Variants in RRAGD observed in about 807,000 individuals in gnomAD.
The protein encoded by RRAGD is ras-related GTP-binding protein D.
Under a neutral mutation model 35.5 loss-of-function variants are expected in RRAGD, and 12 were observed. The observed-to-expected ratio is 0.34, with a 90% confidence interval of 0.22 to 0.55. The LOEUF (loss-of-function observed/expected upper bound fraction) is 0.55, where lower values mean the gene tolerates loss of function less well. Among genes scored for constraint, RRAGD ranks in the 20% least tolerant of loss-of-function variants. RRAGD has a pLI of 0.91. For synonymous variants in RRAGD, 155 were observed against 178.9 expected (o/e 0.87, Z 1.07); for missense variants, 324 against 490.1 (o/e 0.66, Z 3.20).
intron 1 of RRAGD, among the ~76,000 whole-genome samples, chr6:89,405,591 G>A (rs62415410): frequency 0.11 from 16,686 of 151,754 alleles, 1,042 homozygotes; most frequent in African/African-American, 0.15. Flanking sequence ...CAGGACACAC[G>A]CAGGCACACA....
At chr6:89,385,940 G>C (rs1582512400) in intron 2 of RRAGD, among the ~76,000 whole-genome samples, 1 of 152,108 alleles carries the variant, frequency 6.6e-6, no homozygotes, top group Admixed American at 6.6e-5. Flanking sequence ...TCGAGCATGG[G>C]CTCAGAATGA....
Position 89,367,960 on chromosome 6 carries a change from G to A in RRAGD, c.*96C>T, listed in dbSNP as rs1203268273. On this transcript the variant is annotated 3_prime_UTR_variant, in exon 7 of 7. Coordinates refer to ENST00000369415, the MANE Select transcript of RRAGD (RefSeq NM_021244.5). ...TTTTTTAACAACAAATCAATGGTAT[G>A]TGTCCCAATCTCCTTCTTCCTCTTC... The A allele has an allele frequency of 9.5e-7, 1 of 1,051,298 alleles. No individual in the cohort carries two copies. Among genetic ancestry groups the A allele is most frequent in the Admixed American group, 2.6e-5 (1 of 38,022 alleles). The allele number at this position is 1,051,298 out of a possible 1,614,324, so 65.1% of individuals were successfully genotyped here. A position where few individuals can be genotyped will look rare whatever the true frequency, so the allele number is the denominator to read the frequency against.
intron 1 of RRAGD, among the ~76,000 whole-genome samples, chr6:89,392,826 G>A (rs1313974636): frequency 1.3e-5 from 2 of 152,204 alleles, no homozygotes; most frequent in Admixed American, 1.3e-4. Context: ...GTACAGATGT[G>A]CATAGATATT....
At chr6:89,369,702 G>A (rs988564842) in intron 6 of RRAGD, among the ~76,000 whole-genome samples, 3 of 152,044 alleles carry the variant, frequency 2.0e-5, no homozygotes, top group African/African-American at 4.8e-5. Flanking sequence ...ACTGGCACCC[G>A]CCCCTATTGT....
intron 1 of RRAGD, among the ~76,000 whole-genome samples, chr6:89,390,854 C>T (rs916476845): frequency 5.9e-5 from 9 of 151,954 alleles, no homozygotes; most frequent in Non-Finnish European, 1.3e-4. Context: ...ACTGAGATGG[C>T]GCCCCTGCAC....
intron 1 of RRAGD, among the ~76,000 whole-genome samples, chr6:89,399,944 G>A (rs1769425417): frequency 6.6e-6 from 1 of 152,004 alleles, no homozygotes; most frequent in Admixed American, 6.6e-5. Context: ...CCCAGTGAGG[G>A]AGCATAAGTC....
In RRAGD at chr6:89,411,651, C is replaced by T. The variant is rs1017649745; in HGVS notation, c.148+195G>A. 4 of 618,674 alleles carry T rather than the reference C, an allele frequency of 6.5e-6. No individual in the cohort carries two copies. The highest frequency in any genetic ancestry group is 5.8e-5 in the African/African-American group (3 of 51,332). The allele number at this position is 618,674 out of a possible 1,614,324, so 38.3% of individuals were successfully genotyped here. On this transcript the variant is annotated intron_variant, in intron 1 of 6. Transcript: ENST00000369415. This position sits in a 1 kb window ranked among gnomAD's most constrained non-coding sequence, Gnocchi z 5.6. Reference sequence around the variant, plus strand: ...CCACCGATCCTGGTTGCCCCTCCGCCACCAGCACCGCGCTCCCTCATTTGG... The same window carrying T: ...CCACCGATCCTGGTTGCCCCTCCGCTACCAGCACCGCGCTCCCTCATTTGG...
At chr6:89,405,904 A>G (rs1042280858) in intron 1 of RRAGD, among the ~76,000 whole-genome samples, 2 of 152,192 alleles carry the variant, frequency 1.3e-5, no homozygotes, top group Non-Finnish European at 2.9e-5. Flanking sequence ...TTCCAACCCA[A>G]GTGGGAATGA....
chr6:89,368,635 C>T (rs1306258425), intron 6 of RRAGD, among the ~76,000 whole-genome samples: 4 of 152,110 alleles, frequency 2.6e-5, no homozygotes, highest in African/African-American at 9.7e-5. Context: ...AGCTGTGTAT[C>T]AATCAATAAA....
chr6:89,380,203 G>A lies in RRAGD; in HGVS notation c.609C>T (p.Asp203=). The change falls in exon 3 of 7, where the codon GAC becomes GAT. Residue 203 remains aspartate, a synonymous_variant. Coordinates refer to ENST00000369415, the MANE Select transcript of RRAGD (RefSeq NM_021244.5). Reference sequence around the variant, plus strand: ...TTTTTTCTAATCCAGCATCTGCAAGGTCATCGTTTGCCCTCTGGTGAATAT... The same window carrying A: ...TTTTTTCTAATCCAGCATCTGCAAGATCATCGTTTGCCCTCTGGTGAATAT... ...QRDIHQRAND[D]LADAGLEKIH... 1.2e-6 allele frequency: 2 copies of A among 1,614,162 alleles called. No individual in the cohort carries two copies. Among genetic ancestry groups the A allele is most frequent in the Non-Finnish European group, 1.7e-6 (2 of 1,180,026 alleles).
At chr6:89,392,138 T>A (rs146096293) in intron 1 of RRAGD, among the ~76,000 whole-genome samples, 2 of 151,830 alleles carry the variant, frequency 1.3e-5, no homozygotes, top group Non-Finnish European at 2.9e-5. Context: ...AAACCCAGTA[T>A]GAAACTCAAA....
Position 89,412,022 on chromosome 6 carries a change from C to T in RRAGD, c.-29G>A, listed in dbSNP as rs1769713439. The T allele has an allele frequency of 3.3e-6, 5 of 1,518,514 alleles. No individual in the cohort carries two copies. In the African/African-American group the frequency reaches 4.2e-5, roughly 13 times the overall value. The allele number at this position is 1,518,514 out of a possible 1,614,324, so 94.1% of individuals were successfully genotyped here. A position where few individuals can be genotyped will look rare whatever the true frequency, so the allele number is the denominator to read the frequency against. The stretch of plus-strand genomic sequence containing the variant: ...GCCCACCGGCCGGCCGGCCCGGGGA[C>T]GGCGGGGGTCCCGGGGTGGGGGCCA... On this transcript the variant is annotated 5_prime_UTR_variant, in exon 1 of 7. Transcript: ENST00000369415. The surrounding 1 kb of genome is among the most constrained non-coding windows in gnomAD (Gnocchi z 4.2).
intron 1 of RRAGD, among the ~76,000 whole-genome samples, chr6:89,401,751 C>T (rs1210842285): frequency 2.6e-5 from 4 of 152,166 alleles, no homozygotes; most frequent in Non-Finnish European, 5.9e-5. Context: ...ATGTCACCCC[C>T]ACTGCTAAAT....
chr6:89,396,850 T>C (rs1769344318), intron 1 of RRAGD, among the ~76,000 whole-genome samples: 1 of 148,884 alleles, frequency 6.7e-6, no homozygotes, highest in Admixed American at 6.8e-5. Flanking sequence ...CAAGTGATTC[T>C]CCTGCCTCAG....
Position 89,411,955 on chromosome 6 carries a change from C to T in RRAGD, c.39G>A (p.Glu13=). The T allele has an allele frequency of 6.5e-7, 1 of 1,538,536 alleles. No homozygotes were observed. The highest frequency in any genetic ancestry group is 8.7e-7 in the Non-Finnish European group (1 of 1,146,178). The part of the protein sequence containing the change: ...QVLGKPQPQD[E]DDAEEEEEED... ...CCTCCTCCTCCTCCTCCGCGTCGTC[C>T]TCGTCCTGCGGCTGCGGCTTCCCCA... Residue 13 remains glutamate (E), a synonymous_variant, in exon 1 of 7, where the codon GAG becomes GAA. Coordinates refer to ENST00000369415, the MANE Select transcript of RRAGD (RefSeq NM_021244.5). The surrounding 1 kb of genome is among the most constrained non-coding windows in gnomAD (Gnocchi z 5.6).
At chr6:89,380,094 T>C in intron 3 of RRAGD, 74 bp downstream of exon 3, 1 of 1,347,942 alleles carries the variant, frequency 7.4e-7, no homozygotes, top group Non-Finnish European at 1.1e-6. Context: ...GCCAAGCCAA[T>C]CATGGTGACT....
chr6:89,386,423 G>C (rs1338787444), intron 2 of RRAGD, among the ~76,000 whole-genome samples: 1 of 152,174 alleles, frequency 6.6e-6, no homozygotes, highest in African/African-American at 2.4e-5. Flanking sequence ...AAAAGAACCT[G>C]ATACAGGGAA....
At chr6:89,398,481 G>C (rs1769384949) in intron 1 of RRAGD, among the ~76,000 whole-genome samples, 1 of 152,184 alleles carries the variant, frequency 6.6e-6, no homozygotes, top group South Asian at 2.1e-4. Context: ...CCAGGGGAGA[G>C]ACCCAGTGGA....
chr6:89,395,139 G>C (rs1769308761), intron 1 of RRAGD, among the ~76,000 whole-genome samples: 1 of 152,116 alleles, frequency 6.6e-6, no homozygotes, highest in South Asian at 2.1e-4. Context: ...AGCACCTGTA[G>C]TCACAGCTAC....
Sources: gnomAD v4.1 joint callset for allele counts (sites outside exome capture counted in the v4.1 genomes callset) on GRCh38, gnomAD v4.1.1 for gene constraint, Gnocchi (gnomAD v3.1) non-coding constraint, MANE v1.5 for transcripts, NCBI Gene and HGNC (gene_info 2026-07-23, HGNC 2026-07-21) for gene names.